The following RANBP17 variants were observed in gnomAD, a reference collection of about 807,000 sequenced individuals.
RANBP17 encodes ran-binding protein 17.
Under a neutral mutation model 141.2 loss-of-function variants are expected in RANBP17, and 158 were observed. That is an observed-to-expected ratio of 1.12 (90% CI 0.98 to 1.28). The LOEUF is 1.28. Among genes scored for constraint, RANBP17 ranks in the 50% most tolerant of loss-of-function variants. The probability of loss-of-function intolerance (pLI) is 0.00; values close to 1 mark genes in which losing one functional copy is unlikely to be tolerated. For synonymous variants in RANBP17, 430 were observed against 450.0 expected (o/e 0.96, Z 0.56); for missense variants, 1,438 against 1,290.7 (o/e 1.11, Z -1.75).
chr5:171,259,569 C>T (rs766132176), intron 24 of RANBP17, among the ~76,000 whole-genome samples: 11 of 152,114 alleles, frequency 7.2e-5, no homozygotes, highest in African/African-American at 1.2e-4. Flanking sequence ...TCTTCTGTAG[C>T]GACATGGATG....
In RANBP17 at chr5:171,230,019, C is replaced by G. The variant is rs537373726; in HGVS notation, c.2422+8179C>G. Among the ~76,000 whole-genome samples the G allele has an allele frequency of 6.7e-4, 102 of 151,976 alleles. 1 individual carries two copies. Among genetic ancestry groups the G allele is most frequent in the Admixed American group, 6.3e-3 (96 of 15,272 alleles). On this transcript the variant is annotated intron_variant, in intron 22 of 27. Coordinates refer to ENST00000523189, the MANE Select transcript of RANBP17 (RefSeq NM_022897.5). Reference sequence around the variant, plus strand: ...GGCAAAGGTTGCAGTGAGCCGAGATCGTGCCATTGCACTCCAGCCTGGGCA... The same window carrying G: ...GGCAAAGGTTGCAGTGAGCCGAGATGGTGCCATTGCACTCCAGCCTGGGCA...
At chr5:170,879,019 TGAA>T (rs1423093380) in intron 2 of RANBP17, among the ~76,000 whole-genome samples, 1 of 152,176 alleles carries the variant, frequency 6.6e-6, no homozygotes, top group Non-Finnish European at 1.5e-5. Context: ...GGTCTGTTAA[TGAA>T]GAGAATAGAA....
rs767770874 is a variant in RANBP17, at chr5:171,242,796, A to G, written c.2752A>G (p.Ile918Val). 6 of 1,613,848 alleles carry G rather than the reference A, an allele frequency of 3.7e-6. No individual in the cohort carries two copies. The highest frequency in any genetic ancestry group is 5.1e-6 in the Non-Finnish European group (6 of 1,179,810). Residue 918 changes from isoleucine (I) to valine (V), a missense_variant, in exon 24 of 28, where the codon ATC (isoleucine) becomes GTC (valine). Transcript: ENST00000523189. Reference protein sequence around the residue: ...PPVLMYVLTSISEGLTTLDTV... With the variant: ...PPVLMYVLTSVSEGLTTLDTV... ...TGTACTCATGTATGTTCTCACATCTATCTCAGAGGGACTCACTACTCTTGG... is the reference window on the plus strand; with the variant it reads ...TGTACTCATGTATGTTCTCACATCTGTCTCAGAGGGACTCACTACTCTTGG...
In RANBP17 at chr5:171,061,205, T is replaced by A. The variant is rs1245712852; in HGVS notation, c.1710+92828T>A. Among the ~76,000 whole-genome samples the A allele has an allele frequency of 7.3e-5, 11 of 151,176 alleles. No homozygotes were observed. In the East Asian group the frequency reaches 1.4e-3, roughly 19 times the overall value. On this transcript the variant is annotated intron_variant, in intron 14 of 27. Transcript: ENST00000523189. ...TAGTTATTTCTTGCCTTCTGCTAGC[T>A]TTTGAATGTGTTTGCTCTTGCTTTT...
intron 14 of RANBP17, among the ~76,000 whole-genome samples, chr5:171,006,968 T>G (rs1779673406): frequency 6.6e-6 from 1 of 152,156 alleles, no homozygotes; most frequent in Non-Finnish European, 1.5e-5. Flanking sequence ...ACCTGGGGAA[T>G]CTGCCTGATA....
At chr5:171,177,509 G>T (rs977591736) in intron 16 of RANBP17, among the ~76,000 whole-genome samples, 6 of 151,972 alleles carry the variant, frequency 3.9e-5, no homozygotes, top group Non-Finnish European at 8.8e-5. Flanking sequence ...TTATACTTGG[G>T]CCAAGGAAAT....
At chr5:171,102,767 C>T (rs902413413) in intron 14 of RANBP17, among the ~76,000 whole-genome samples, 3 of 151,828 alleles carry the variant, frequency 2.0e-5, no homozygotes, top group African/African-American at 7.3e-5. Context: ...TGGTGACCTT[C>T]GGATGGAGTT....
intron 20 of RANBP17, among the ~76,000 whole-genome samples, chr5:171,212,469 A>G (rs575368469): frequency 2.6e-5 from 4 of 152,334 alleles, no homozygotes; most frequent in Admixed American, 6.5e-5. Flanking sequence ...AGCTGGCATT[A>G]GTGGTTTTGC....
Position 171,171,242 on chromosome 5 carries a change from T to C in RANBP17, c.1821T>C (p.Pro607=). ...TTAAATACTGGGGAAGATATGAGCC[T>C]GTAATTTCAAGGACTCTTCAGTTCC... ...TNLKYWGRYE[P]VISRTLQFLN... is the part of the protein sequence containing the mutation. Residue 607 remains proline (P), a synonymous_variant, in exon 16 of 28, where the codon CCT becomes CCC. Transcript: ENST00000523189. The C allele has an allele frequency of 6.3e-7, 1 of 1,598,450 alleles. No individual in the cohort carries two copies. The highest frequency in any genetic ancestry group is 8.6e-7 in the Non-Finnish European group (1 of 1,169,492).
chr5:170,919,802 G>A (rs1345252215), intron 11 of RANBP17, among the ~76,000 whole-genome samples, 189 bp downstream of exon 11: 2 of 151,800 alleles, frequency 1.3e-5, no homozygotes, highest in Non-Finnish European at 2.9e-5. Flanking sequence ...TAGTTCTTTT[G>A]GCTCCTTTTT....
rs766607355 is a variant in RANBP17 at position 171,298,874 on chromosome 5, C to G, written c.*16C>G. 6.2e-7 allele frequency: 1 copy of G among 1,603,556 alleles called. No homozygotes were observed. The highest frequency in any genetic ancestry group is 1.1e-5 in the South Asian group (1 of 90,762). On this transcript the variant is annotated 3_prime_UTR_variant, in exon 28 of 28. Transcript: ENST00000523189. ...GATGAGCTGACCCGACTTTTCTGAC[C>G]ATGTGCGGAGCAGCCTTTATCAAGA... is the stretch of plus-strand genomic sequence containing the variant.
At position 170,887,248 on chromosome 5, in the gene RANBP17, C is replaced by T. The variant is rs1192219159; in HGVS notation, c.257-5139C>T. 3.3e-5 allele frequency among the ~76,000 whole-genome samples: 5 copies of T among 152,174 alleles called. No individual in the cohort carries two copies. In the East Asian group the frequency reaches 9.7e-4, roughly 29 times the overall value. On this transcript the variant is annotated intron_variant, in intron 3 of 27. Transcript: ENST00000523189. ...CCGATCTGTGGCTTATCTTTTTATT[C>T]TCTTGACATTGTCTTTTGCAGAGCA...
intron 14 of RANBP17, among the ~76,000 whole-genome samples, chr5:171,067,081 T>G (rs770379127): frequency 6.6e-6 from 1 of 152,214 alleles, no homozygotes; most frequent in Non-Finnish European, 1.5e-5. Context: ...TATGCTTTTG[T>G]TCCTCAGTTC....
chr5:171,062,929 C>A (rs1207715275), intron 14 of RANBP17, among the ~76,000 whole-genome samples: 1 of 151,856 alleles, frequency 6.6e-6, no homozygotes, highest in Non-Finnish European at 1.5e-5. Context: ...ATCACTGATA[C>A]CCTTTCTTCC....
chr5:170,934,055 CT>C lies in RANBP17; in HGVS notation c.1468+9510del, dbSNP rs1229749188. On this transcript the variant is annotated intron_variant, in intron 12 of 27. Coordinates refer to ENST00000523189, the MANE Select transcript of RANBP17 (RefSeq NM_022897.5). ...TATTATTGTACGGGAGTCTAAGTCT[CT>C]TTTTAGGTCTCTCAGGACGTGCTTT... 1.3e-4 allele frequency among the ~76,000 whole-genome samples: 20 copies of C among 152,212 alleles called. No individual in the cohort carries two copies. In the East Asian group the frequency reaches 3.9e-3, roughly 29 times the overall value.
intron 14 of RANBP17, among the ~76,000 whole-genome samples, chr5:171,154,325 G>A (rs1374197817): frequency 6.6e-6 from 1 of 152,106 alleles, no homozygotes; most frequent in Admixed American, 6.5e-5. Flanking sequence ...CACCCAGGCT[G>A]GAGTGCGGTG....
intron 14 of RANBP17, among the ~76,000 whole-genome samples, chr5:171,151,508 CA>C (rs1169425648): frequency 3.3e-5 from 5 of 152,218 alleles, no homozygotes; most frequent in African/African-American, 1.2e-4. Context: ...AGCAATGGCA[CA>C]AATTAAAAAT....
chr5:170,986,155 T>C (rs763014548), intron 14 of RANBP17, among the ~76,000 whole-genome samples: 1 of 152,060 alleles, frequency 6.6e-6, no homozygotes, highest in Non-Finnish European at 1.5e-5. Flanking sequence ...GTTTGGATGA[T>C]AAATTATATG....
chr5:171,094,523 G>C (rs1046969338), intron 14 of RANBP17, among the ~76,000 whole-genome samples: 3 of 151,948 alleles, frequency 2.0e-5, no homozygotes, highest in Non-Finnish European at 4.4e-5. Flanking sequence ...GTCCTTTGAG[G>C]ATCCTCTTCG....
Sources: allele counts gnomAD v4.1 joint callset (sites outside exome capture counted in the v4.1 genomes callset), GRCh38; gene constraint gnomAD v4.1.1; transcripts MANE v1.5; gene names NCBI Gene and HGNC (gene_info 2026-07-23, HGNC 2026-07-21).